Variants in ZNF277 observed in about 807,000 individuals in gnomAD.
The protein encoded by ZNF277 is zinc finger protein 277, also known as nuclear receptor-interacting factor 4.
A neutral mutation model predicts 60.7 loss-of-function variants in ZNF277; 55 were observed. That is an observed-to-expected ratio of 0.91 (90% CI 0.73 to 1.13). The LOEUF (loss-of-function observed/expected upper bound fraction) is 1.13. Among genes scored for constraint, ZNF277 ranks in the 50% most tolerant of loss-of-function variants. The pLI, the probability that ZNF277 is intolerant of heterozygous loss-of-function variation, is 0.00. For missense variants in ZNF277, 510 were observed against 523.0 expected (o/e 0.98, Z 0.24); for synonymous variants, 178 against 179.3 (o/e 0.99, Z 0.06).
At chr7:112,243,749 T>G (rs1791015112) in intron 1 of ZNF277, among the ~76,000 whole-genome samples, 1 of 151,984 alleles carries the variant, frequency 6.6e-6, no homozygotes, top group African/African-American at 2.4e-5. Context: ...ATTTGAACAT[T>G]TGTCAAAGAA....
chr7:112,307,661 C>T (rs1376416598), intron 4 of ZNF277, among the ~76,000 whole-genome samples: 4 of 151,726 alleles, frequency 2.6e-5, no homozygotes, highest in Admixed American at 1.3e-4. Flanking sequence ...GTGATCCACC[C>T]GCCTCAACCT....
At chr7:112,252,259 G>GCT (rs1392797902) in intron 1 of ZNF277, among the ~76,000 whole-genome samples, 5 of 152,174 alleles carry the variant, frequency 3.3e-5, no homozygotes, top group Admixed American at 3.3e-4. Flanking sequence ...AGATGCAAGA[G>GCT]GGTAGCTTAT....
chr7:112,295,453 T>C (rs1792302413), intron 2 of ZNF277, among the ~76,000 whole-genome samples: 2 of 152,176 alleles, frequency 1.3e-5, no homozygotes, highest in African/African-American at 4.8e-5. Context: ...CTCTGTTCTT[T>C]TGATACATAA....
chr7:112,245,186 C>T (rs573310797), intron 1 of ZNF277, among the ~76,000 whole-genome samples: 1 of 152,110 alleles, frequency 6.6e-6, no homozygotes, highest in Non-Finnish European at 1.5e-5. Flanking sequence ...GGCTCATGGA[C>T]CTTCAAGTCA....
In ZNF277 at chr7:112,336,137, G is replaced by A; in HGVS notation, c.835G>A (p.Glu279Lys). ...LGKSWEEVQL[E>K]DDRELLDHQE... ...AAAATCGTGGGAAGAAGTTCAGTTG[G>A]AAGATGATCGGGAGTTGCTGGACCA... Residue 279 changes from glutamate (E) to lysine (K), a missense_variant, in exon 8 of 12, where the codon GAA becomes AAA. Transcript: ENST00000361822. The A allele has an allele frequency of 6.2e-7, 1 of 1,610,118 alleles. No homozygotes were observed. The highest frequency in any genetic ancestry group is 8.5e-7 in the Non-Finnish European group (1 of 1,177,952).
rs553974159 is a variant in ZNF277, at chr7:112,291,098, CAAAAAT to C, written c.293+4031_293+4036del. On this transcript the variant is annotated intron_variant, in intron 2 of 11. Coordinates refer to ENST00000361822, the MANE Select transcript of ZNF277 (RefSeq NM_021994.3). ...CTTCCTGGGGCAGGAGAAATAAAAA[CAAAAAT>C]AAAAATCTTTCCATTGAGTCCATTT... Among the ~76,000 whole-genome samples, 46 of 152,090 alleles carry C rather than the reference CAAAAAT, an allele frequency of 3.0e-4. No individual in the cohort carries two copies. The Middle Eastern group carries it at 0.014, about 45-fold the overall frequency.
intron 1 of ZNF277, among the ~76,000 whole-genome samples, chr7:112,283,712 G>C (rs1310196701): frequency 1.3e-5 from 2 of 152,040 alleles, no homozygotes; most frequent in Non-Finnish European, 2.9e-5. Context: ...CTGAGCATTA[G>C]ACATACAAAA....
intron 2 of ZNF277, chr7:112,288,476 C>T (rs1792121323): frequency 6.6e-6 from 1 of 152,120 alleles, no homozygotes; most frequent in Admixed American, 6.5e-5. Context: ...GTAGGAAAGC[C>T]TGGGGTTGAG....
chr7:112,230,098 G>A (rs1822282703), intron 1 of ZNF277, among the ~76,000 whole-genome samples: 1 of 145,426 alleles, frequency 6.9e-6, no homozygotes, highest in African/African-American at 2.4e-5. Flanking sequence ...GCTTTAAGTG[G>A]GTGAGTAATA....
chr7:112,221,100 G>A (rs1156586473), intron 1 of ZNF277, among the ~76,000 whole-genome samples: 1 of 152,186 alleles, frequency 6.6e-6, no homozygotes, highest in Non-Finnish European at 1.5e-5. Context: ...AGATCCAGCA[G>A]GGTGTCTGCT....
intron 4 of ZNF277, among the ~76,000 whole-genome samples, chr7:112,303,593 C>T (rs1584394028): frequency 6.6e-6 from 1 of 151,952 alleles, no homozygotes; most frequent in Admixed American, 6.6e-5. Context: ...CCATGCCCAC[C>T]TATTGAATTT....
chr7:112,332,066 C>G lies in ZNF277; in HGVS notation c.801+1850C>G, dbSNP rs539178489. On this transcript the variant is annotated intron_variant, in intron 7 of 11. Transcript: ENST00000361822. ...AATCATCTGCCAGGGCCAGCCATCT[C>G]TGGATGAGCATGGCAGATTGTGCTG... Among the ~76,000 whole-genome samples, 8 of 152,318 alleles carry G rather than the reference C, an allele frequency of 5.3e-5. No homozygotes were observed. In the South Asian group the frequency reaches 1.2e-3, roughly 24 times the overall value.
At chr7:112,251,549 G>T (rs1485836074) in intron 1 of ZNF277, among the ~76,000 whole-genome samples, 1 of 152,140 alleles carries the variant, frequency 6.6e-6, no homozygotes, top group Admixed American at 6.5e-5. Flanking sequence ...GAAGCTCCTT[G>T]AAATTAGTTA....
chr7:112,246,542 G>A (rs552700460), intron 1 of ZNF277, among the ~76,000 whole-genome samples: 1 of 152,258 alleles, frequency 6.6e-6, no homozygotes, highest in East Asian at 1.9e-4. Flanking sequence ...AGCCTTTGAG[G>A]ACCTAAGAGA....
intron 1 of ZNF277, among the ~76,000 whole-genome samples, chr7:112,255,822 C>T (rs980033790): frequency 5.9e-5 from 9 of 152,200 alleles, no homozygotes; most frequent in African/African-American, 2.2e-4. Flanking sequence ...TGCCTTCCTT[C>T]CGTATGCGCC....
intron 5 of ZNF277, among the ~76,000 whole-genome samples, chr7:112,318,938 G>C (rs952855895): frequency 2.0e-5 from 3 of 152,038 alleles, no homozygotes; most frequent in African/African-American, 7.2e-5. Context: ...CTGTACTTAT[G>C]ATTACAGTTT....
At chr7:112,329,962 A>G (rs1020368946) in intron 6 of ZNF277, 122 bp from the exon 7 acceptor site, 36 of 1,077,784 alleles carry the variant, frequency 3.3e-5, no homozygotes, top group Non-Finnish European at 3.6e-5. Flanking sequence ...CAAGGATGGT[A>G]TATCCCATTT....
At chr7:112,223,092 A>G (rs1244453629) in intron 1 of ZNF277, among the ~76,000 whole-genome samples, 1 of 152,152 alleles carries the variant, frequency 6.6e-6, no homozygotes, top group African/African-American at 2.4e-5. Flanking sequence ...TGTGTGAGTT[A>G]ATACTTAATA....
intron 1 of ZNF277, among the ~76,000 whole-genome samples, chr7:112,250,540 G>A (rs918181015): frequency 6.6e-6 from 1 of 152,068 alleles, no homozygotes; most frequent in African/African-American, 2.4e-5. Context: ...AGAACCTACC[G>A]ACATGTGATG....
Sources: gnomAD v4.1 joint callset for allele counts (sites outside exome capture counted in the v4.1 genomes callset) on GRCh38, gnomAD v4.1.1 for gene constraint, MANE v1.5 for transcripts, NCBI Gene and HGNC (gene_info 2026-07-23, HGNC 2026-07-21) for gene names.